The following RAP1B variants were observed in gnomAD, a reference collection of about 807,000 sequenced individuals.
RAP1B encodes ras-related protein Rap-1b.
RAP1B carries 1 observed loss-of-function variant against 27.5 expected under a neutral mutation model. That is an observed-to-expected ratio of 0.04 (90% CI 0.01 to 0.17). The LOEUF is 0.17. Among genes scored for constraint, RAP1B ranks in the 10% least tolerant of loss-of-function variants. The probability of loss-of-function intolerance (pLI) is 1.00; values close to 1 mark genes in which losing one functional copy is unlikely to be tolerated. For synonymous variants in RAP1B, 75 were observed against 73.1 expected, an observed-to-expected ratio of 1.03 and a Z score of -0.13; for missense variants, 84 against 214.8, an observed-to-expected ratio of 0.39 and a Z score of 3.81.
chr12:68,665,827 CTT>C lies in RAP1B; in HGVS notation c.*6579_*6580del, dbSNP rs1472572839. On this transcript the variant is annotated 3_prime_UTR_variant, in exon 8 of 8. Transcript: ENST00000250559. ...CTGTTTCAGAGTCAGTATTGGCAAA[CTT>C]ATATTTAAATTCAGCTGTAACAAGA... 6.6e-6 allele frequency: 1 copy of C among 151,300 alleles called. No individual in the cohort carries two copies. The highest frequency in any genetic ancestry group is 2.4e-5 in the African/African-American group (1 of 41,132). 9.4% of individuals were successfully genotyped at this position (151,300 alleles called of 1,614,324 possible). A position where few individuals can be genotyped will look rare whatever the true frequency, so the allele number is the denominator to read the frequency against.
At chr12:68,657,252 A>G (rs1225886482) in intron 7 of RAP1B, 35 bp downstream of exon 7, 23 of 1,369,810 alleles carry the variant, frequency 1.7e-5, no homozygotes, top group Middle Eastern at 1.8e-4. Context: ...ACTTTTAATC[A>G]CTCAACCTTA....
chr12:68,625,416 A>G (rs1225584257), intron 1 of RAP1B, among the ~76,000 whole-genome samples: 1 of 152,238 alleles, frequency 6.6e-6, no homozygotes, highest in African/African-American at 2.4e-5. Context: ...TTAGGTTGAG[A>G]TACTAAAATT....
chr12:68,648,823 G>C, intron 2 of RAP1B, 42 bp downstream of exon 2: 1 of 1,536,454 alleles, frequency 6.5e-7, no homozygotes, highest in South Asian at 1.2e-5. Flanking sequence ...ACTCCAAGAC[G>C]TTCTTTTTCT....
In RAP1B at chr12:68,660,756, T is replaced by C. The variant is rs976044480; in HGVS notation, c.*1507T>C. The C allele has an allele frequency of 6.6e-6, 1 of 152,216 alleles. No individual in the cohort carries two copies. Among genetic ancestry groups the C allele is most frequent in the Non-Finnish European group, 1.5e-5 (1 of 68,034 alleles). The allele number at this position is 152,216 out of a possible 1,614,324, so 9.4% of individuals were successfully genotyped here. A position where few individuals can be genotyped will look rare whatever the true frequency, so the allele number is the denominator to read the frequency against. The stretch of plus-strand genomic sequence containing the variant: ...AACTTTTCCTTGAGAAATAATTTTG[T>C]AAATCAAGCAGTATTACTTACGAAT... On this transcript the variant is annotated 3_prime_UTR_variant, in exon 8 of 8. Transcript: ENST00000250559.
intron 7 of RAP1B, 104 bp from the exon 8 acceptor site, chr12:68,659,176 T>C (rs1322381962): frequency 2.3e-6 from 1 of 443,346 alleles, no homozygotes; most frequent in Non-Finnish European, 4.5e-6. Flanking sequence ...GAGCCTAGAT[T>C]ATATTCATTT....
At position 68,669,734 on chromosome 12, in the gene RAP1B, G is replaced by C. The variant is rs930431784; in HGVS notation, c.*10485G>C. ...GAGAATCGCTTGAACCCAGGAGGCA[G>C]AGGGTGCAGTAGCTGAGATTGTACC... On this transcript the variant is annotated 3_prime_UTR_variant, in exon 8 of 8. Transcript: ENST00000250559. 1.3e-5 allele frequency: 2 copies of C among 152,242 alleles called. No homozygotes were observed. The highest frequency in any genetic ancestry group is 4.8e-5 in the African/African-American group (2 of 41,504). 9.4% of individuals were successfully genotyped at this position (152,242 alleles called of 1,614,324 possible). A position where few individuals can be genotyped will look rare whatever the true frequency, so the allele number is the denominator to read the frequency against.
chr12:68,632,154 T>G lies in RAP1B; in HGVS notation c.-26-16545T>G, dbSNP rs540593026. On this transcript the variant is annotated intron_variant, in intron 1 of 7. Transcript: ENST00000250559. ...GTTTTTTTTTTTTTTTTGTTTGTTT[T>G]TTTTTTCCAGACTGTTTGGCTGTCA... Among the ~76,000 whole-genome samples the G allele has an allele frequency of 5.2e-3, 708 of 135,474 alleles. 6 individuals are homozygous for G. Among genetic ancestry groups the G allele is most frequent in the South Asian group, 0.016 (68 of 4,332 alleles). 88.9% of individuals were successfully genotyped at this position (135,474 alleles called of 152,430 possible). A position where few individuals can be genotyped will look rare whatever the true frequency, so the allele number is the denominator to read the frequency against.
At chr12:68,626,869 C>T in intron 1 of RAP1B, 1 of 1,575,950 alleles carries the variant, frequency 6.3e-7, no homozygotes, top group Non-Finnish European at 8.6e-7. Context: ...AGTGGAAGCC[C>T]TCATGAGTGC....
At position 68,652,057 on chromosome 12, in the gene RAP1B, T is replaced by TA. The variant is rs1332171249; in HGVS notation, c.183+10dup. The stretch of plus-strand genomic sequence containing the variant: ...TCTTGGATACTGCAGGAACGGTAGG[T>TA]AAAACTAAATACCAAAGTATATACA... On this transcript the variant is annotated splice_region_variant and intron_variant, in intron 4 of 7. Coordinates refer to ENST00000250559, the MANE Select transcript of RAP1B (RefSeq NM_001010942.3). 18 of 1,603,124 alleles carry TA rather than the reference T, an allele frequency of 1.1e-5. No individual in the cohort carries two copies. The highest frequency in any genetic ancestry group is 1.5e-5 in the Non-Finnish European group (17 of 1,170,294).
intron 1 of RAP1B, chr12:68,642,674 T>C: frequency 8.8e-7 from 1 of 1,138,962 alleles, no homozygotes; most frequent in South Asian, 1.2e-5. Context: ...AATCCTGGCC[T>C]TTGAGAGAGA....
chr12:68,654,342 T>C, intron 5 of RAP1B, 90 bp downstream of exon 5: 1 of 199,432 alleles, frequency 5.0e-6, no homozygotes, highest in Non-Finnish European at 9.0e-6. Flanking sequence ...AAAGCTTGTG[T>C]ATTTTGGTTG....
rs185195310 is a variant in RAP1B at position 68,656,178 on chromosome 12, A to G, written c.325-128A>G. The G allele has an allele frequency of 2.1e-4, 169 of 801,914 alleles. 2 individuals carry two copies. Among genetic ancestry groups the G allele is most frequent in the Admixed American group, 6.1e-4 (20 of 32,544 alleles). 49.7% of individuals were successfully genotyped at this position (801,914 alleles called of 1,614,324 possible). ...AATTGTTAAGGCTGTAAATTTTATTATACATTATTTAATATTTTTTGTGGC... is the reference window on the plus strand; with the variant it reads ...AATTGTTAAGGCTGTAAATTTTATTGTACATTATTTAATATTTTTTGTGGC... On this transcript the variant is annotated intron_variant, in intron 5 of 7. Coordinates refer to ENST00000250559, the MANE Select transcript of RAP1B (RefSeq NM_001010942.3).
chr12:68,656,245 T>C, intron 5 of RAP1B, 61 bp from the exon 6 acceptor site: 1 of 1,422,810 alleles, frequency 7.0e-7, no homozygotes, highest in Non-Finnish European at 9.7e-7. Flanking sequence ...AGAATTCTTT[T>C]GATTTGAATT....
At chr12:68,630,746 C>G (rs142639292) in intron 1 of RAP1B, among the ~76,000 whole-genome samples, 1 of 151,922 alleles carries the variant, frequency 6.6e-6, no homozygotes, top group Middle Eastern at 3.2e-3. Context: ...GGCGCTGTCA[C>G]AGCTCACTGC....
chr12:68,645,431 G>GT (rs1873335197), intron 1 of RAP1B, among the ~76,000 whole-genome samples: 1 of 152,210 alleles, frequency 6.6e-6, no homozygotes, highest in Admixed American at 6.5e-5. Context: ...AAAATCTGAT[G>GT]TAACTATTCC....
At position 68,642,692 on chromosome 12, in the gene RAP1B, T is replaced by TC. The variant is rs1592452275; in HGVS notation, c.-26-6006dup. ...CCTGGCCTTTGAGAGAGACACCCAC[T>TC]CAGCACAAGATTTCACATCTTTTTC... On this transcript the variant is annotated intron_variant, in intron 1 of 7. Coordinates refer to ENST00000250559, the MANE Select transcript of RAP1B (RefSeq NM_001010942.3). 3.0e-5 allele frequency: 34 copies of TC among 1,140,108 alleles called. No individual in the cohort carries two copies. The East Asian group carries it at 7.7e-4, about 26-fold the overall frequency. The allele number at this position is 1,140,108 out of a possible 1,614,324, so 70.6% of individuals were successfully genotyped here.
intron 1 of RAP1B, among the ~76,000 whole-genome samples, chr12:68,636,348 T>C (rs1872630897): frequency 6.6e-6 from 1 of 152,184 alleles, no homozygotes; most frequent in African/African-American, 2.4e-5. Flanking sequence ...AACCCAGAAG[T>C]TGGTTTTAAC....
In RAP1B at chr12:68,652,066, A is replaced by C. The variant is rs1485337295; in HGVS notation, c.183+15A>C. 1 of 1,582,986 alleles carries C rather than the reference A, an allele frequency of 6.3e-7. No individual in the cohort carries two copies. The highest frequency in any genetic ancestry group is 1.7e-5 in the Admixed American group (1 of 59,988). ...CTGCAGGAACGGTAGGTAAAACTAA[A>C]TACCAAAGTATATACACCGTTTGTA... On this transcript the variant is annotated intron_variant, in intron 4 of 7. Coordinates refer to ENST00000250559, the MANE Select transcript of RAP1B (RefSeq NM_001010942.3).
intron 4 of RAP1B, among the ~76,000 whole-genome samples, chr12:68,652,777 T>C (rs1458454580): frequency 6.6e-6 from 1 of 151,860 alleles, no homozygotes; most frequent in Non-Finnish European, 1.5e-5. Context: ...CTTTTTGTAA[T>C]TGCAGTGGGT....
Sources: gnomAD v4.1 joint callset for allele counts (sites outside exome capture counted in the v4.1 genomes callset) on GRCh38, gnomAD v4.1.1 for gene constraint, MANE v1.5 for transcripts, NCBI Gene and HGNC (gene_info 2026-07-23, HGNC 2026-07-21) for gene names.